Variants in TGFA observed in about 807,000 individuals in gnomAD.
The protein encoded by TGFA is transforming growth factor alpha.
TGFA carries 12 observed loss-of-function variants against 21.7 expected under a neutral mutation model. The observed-to-expected ratio is 0.55, with a 90% CI of 0.35 to 0.90. TGFA has a LOEUF of 0.90. Among genes scored for constraint, TGFA ranks in the 40% least tolerant of loss-of-function variants. The probability of loss-of-function intolerance (pLI) is 0.01; values close to 1 mark genes in which losing one functional copy is unlikely to be tolerated. For missense variants in TGFA, 178 were observed against 210.8 expected, an observed-to-expected ratio of 0.84 and a Z score of 0.96; for synonymous variants, 79 against 88.1, an observed-to-expected ratio of 0.90 and a Z score of 0.58.
intron 1 of TGFA, among the ~76,000 whole-genome samples, chr2:70,530,853 C>T (rs545138859): frequency 2.3e-4 from 35 of 152,322 alleles, no homozygotes; most frequent in South Asian, 1.7e-3. Flanking sequence ...TACCAGAGCA[C>T]GTGCAAGCTG....
chr2:70,553,622 C>T, intron 1 of TGFA, 106 bp downstream of exon 1: 1 of 1,311,742 alleles, frequency 7.6e-7, no homozygotes, highest in Non-Finnish European at 9.7e-7. Flanking sequence ...CGCTTCTCTC[C>T]ACTCTCCCAG....
At chr2:70,508,752 G>C (rs954413753) in intron 2 of TGFA, among the ~76,000 whole-genome samples, 1 of 152,156 alleles carries the variant, frequency 6.6e-6, no homozygotes, top group East Asian at 1.9e-4. Context: ...GACCCGTAAA[G>C]TGATTCTGCA....
At chr2:70,458,586 T>C (rs1271650869) in intron 3 of TGFA, among the ~76,000 whole-genome samples, 2 of 152,206 alleles carry the variant, frequency 1.3e-5, no homozygotes, top group Non-Finnish European at 2.9e-5. Flanking sequence ...AATGAACAAC[T>C]ACCCTCCATT....
intron 2 of TGFA, among the ~76,000 whole-genome samples, chr2:70,508,411 C>T (rs1013180700): frequency 4.6e-5 from 7 of 152,232 alleles, no homozygotes; most frequent in East Asian, 3.9e-4. Flanking sequence ...CACCATTGCA[C>T]GCTAGCCTGG....
At chr2:70,543,081 T>C (rs935362360) in intron 1 of TGFA, among the ~76,000 whole-genome samples, 7 of 151,286 alleles carry the variant, frequency 4.6e-5, no homozygotes, top group Admixed American at 6.6e-5. Flanking sequence ...CCAGCCTGGG[T>C]AACAAGAGTG....
At chr2:70,456,289 G>C in intron 4 of TGFA, 50 bp downstream of exon 4, 1 of 1,520,204 alleles carries the variant, frequency 6.6e-7, no homozygotes, top group Non-Finnish European at 8.9e-7. Context: ...GGATGTCCCT[G>C]GTAGGGGAGG....
At chr2:70,543,038 G>A (rs1553505374) in intron 1 of TGFA, among the ~76,000 whole-genome samples, 2 of 152,042 alleles carry the variant, frequency 1.3e-5, no homozygotes, top group Non-Finnish European at 2.9e-5. Context: ...GGGAGGTGGA[G>A]GTTGCAGTGA....
In TGFA at chr2:70,521,609, G is replaced by GTTTTTTTTTTTTTTTTTTTT. The variant is rs797022948; in HGVS notation, c.41-6698_41-6697insAAAAAAAAAAAAAAAAAAAA. ...ACTATTGATAGTTTTTTTTGTTGTT[G>GTTTTTTTTTTTTTTTTTTTT]TTTGTTTGTTTTTTTTTTTTTTTTT... On this transcript the variant is annotated intron_variant, in intron 1 of 5. Transcript: ENST00000295400. 2.2e-4 allele frequency among the ~76,000 whole-genome samples: 17 copies of GTTTTTTTTTTTTTTTTTTTT among 78,886 alleles called. 1 individual carries two copies. Among genetic ancestry groups the GTTTTTTTTTTTTTTTTTTTT allele is most frequent in the African/African-American group, 4.9e-4 (10 of 20,202 alleles). 51.8% of individuals were successfully genotyped at this position (78,886 alleles called of 152,430 possible).
Position 70,465,725 on chromosome 2 carries a change from C to A in TGFA, c.106G>T (p.Val36Leu). 1 of 1,614,002 alleles carries A rather than the reference C, an allele frequency of 6.2e-7. No homozygotes were observed. Among genetic ancestry groups the A allele is most frequent in the Non-Finnish European group, 8.5e-7 (1 of 1,179,972 alleles). The change falls in exon 3 of 6, where the codon GTG (valine) becomes TTG (leucine). Residue 36 changes from valine to leucine, a missense_variant. Coordinates refer to ENST00000295400, the MANE Select transcript of TGFA (RefSeq NM_003236.4). ...AAATGGGACACCACTGCTGCAGCCA[C>A]GGGCGGGTCTGCTGGGGAGAGGAAA... ...STSPLSADPP[V>L]AAAVVSHFND...
intron 1 of TGFA, among the ~76,000 whole-genome samples, chr2:70,521,804 G>A (rs1160559277): frequency 1.3e-5 from 2 of 151,766 alleles, no homozygotes; most frequent in African/African-American, 2.4e-5. Flanking sequence ...TAGTAGAGAC[G>A]GGGTTTCACC....
At chr2:70,532,592 C>A (rs1198932848) in intron 1 of TGFA, among the ~76,000 whole-genome samples, 7 of 152,222 alleles carry the variant, frequency 4.6e-5, no homozygotes, top group Admixed American at 1.3e-4. Context: ...AGGGAAGATG[C>A]ATATCATATC....
Position 70,503,732 on chromosome 2 carries a change from T to G in TGFA, c.94+11127A>C, listed in dbSNP as rs76294785. Among the ~76,000 whole-genome samples, 137 of 152,210 alleles carry G rather than the reference T, an allele frequency of 9.0e-4. 1 individual carries two copies. The East Asian group carries it at 0.021, about 23-fold the overall frequency. On this transcript the variant is annotated intron_variant, in intron 2 of 5. Transcript: ENST00000295400. The stretch of plus-strand genomic sequence containing the variant: ...TAGGCAACTTTTCATCAAGCCAAAT[T>G]TAAATAATAAAAAGGCATGATTTCC...
chr2:70,550,796 G>C (rs1366849726), intron 1 of TGFA, among the ~76,000 whole-genome samples: 1 of 152,198 alleles, frequency 6.6e-6, no homozygotes, highest in East Asian at 1.9e-4. Flanking sequence ...ACTCCAGCCT[G>C]GGAGACAGAG....
intron 3 of TGFA, among the ~76,000 whole-genome samples, chr2:70,464,209 T>C (rs1553491830): frequency 6.6e-6 from 1 of 152,244 alleles, no homozygotes; most frequent in Non-Finnish European, 1.5e-5. Flanking sequence ...GAACTCAGCT[T>C]CAGGAGCCAA....
rs1574067241 is a variant in TGFA, at chr2:70,456,489, C to G, written c.216-1G>C. 1 of 1,604,738 alleles carries G rather than the reference C, an allele frequency of 6.2e-7. No individual in the cohort carries two copies. The highest frequency in any genetic ancestry group is 8.5e-7 in the Non-Finnish European group (1 of 1,175,580). ...TGCACCAACGTACCCAGAATGGCAG[C>G]TGGGGAAGAAAGGAACGTCAGTGCA... is the stretch of plus-strand genomic sequence containing the variant. On this transcript the variant is annotated splice_acceptor_variant, in intron 3 of 5. Coordinates refer to ENST00000295400, the MANE Select transcript of TGFA (RefSeq NM_003236.4). LOFTEE classifies it high-confidence loss of function.
Position 70,448,295 on chromosome 2 carries a change from T to C in TGFA, c.*2564A>G, listed in dbSNP as rs2103640441. Reference sequence around the variant, plus strand: ...GAAAAATCCAGGCTCCATAAGAGTATTGGAGGCCTTTTAAAAAATGTTTGT... The same window carrying C: ...GAAAAATCCAGGCTCCATAAGAGTACTGGAGGCCTTTTAAAAAATGTTTGT... On this transcript the variant is annotated 3_prime_UTR_variant, in exon 6 of 6. Coordinates refer to ENST00000295400, the MANE Select transcript of TGFA (RefSeq NM_003236.4). 6.6e-6 allele frequency: 1 copy of C among 152,276 alleles called. No individual in the cohort carries two copies. The highest frequency in any genetic ancestry group is 2.4e-5 in the African/African-American group (1 of 41,560). 9.4% of individuals were successfully genotyped at this position (152,276 alleles called of 1,614,324 possible).
chr2:70,460,216 CAG>C (rs1318727640), intron 3 of TGFA, among the ~76,000 whole-genome samples: 1 of 152,134 alleles, frequency 6.6e-6, no homozygotes, highest in Non-Finnish European at 1.5e-5. Context: ...TCAATTAAAT[CAG>C]AATCTCTGGG....
At position 70,469,737 on chromosome 2, in the gene TGFA, G is replaced by A. The variant is rs537931978; in HGVS notation, c.95-4001C>T. On this transcript the variant is annotated intron_variant, in intron 2 of 5. Coordinates refer to ENST00000295400, the MANE Select transcript of TGFA (RefSeq NM_003236.4). ...CTCTTGCAAAAGTGGAAAGGCCAGG[G>A]TCCTTTTTGGAGCTGATTATCTTCC... 3.3e-5 allele frequency among the ~76,000 whole-genome samples: 5 copies of A among 152,350 alleles called. No homozygotes were observed. The South Asian group carries it at 1.0e-3, about 32-fold the overall frequency.
At chr2:70,522,034 C>T (rs1672489687) in intron 1 of TGFA, among the ~76,000 whole-genome samples, 1 of 152,212 alleles carries the variant, frequency 6.6e-6, no homozygotes, top group Admixed American at 6.5e-5. Flanking sequence ...TCATTTCTTC[C>T]TCAGAGGAAT....
Sources: allele counts gnomAD v4.1 joint callset (sites outside exome capture counted in the v4.1 genomes callset), GRCh38; gene constraint gnomAD v4.1.1; transcripts MANE v1.5; gene names NCBI Gene and HGNC (gene_info 2026-07-23, HGNC 2026-07-21).